Variants in MDGA2 observed in about 807,000 individuals in gnomAD.
The protein encoded by MDGA2 is MAM domain containing glycosylphosphatidylinositol anchor 2, also known as MAM domain-containing glycosylphosphatidylinositol anchor protein 2.
MDGA2 carries 40 observed loss-of-function variants against 117.8 expected under a neutral mutation model. That is an observed-to-expected ratio of 0.34 (90% CI 0.26 to 0.44). The LOEUF is 0.44. MDGA2 is among the 20% of genes least tolerant of loss of function. The pLI is 1.00. For synonymous variants in MDGA2, 452 were observed against 439.0 expected (o/e 1.03, Z -0.37); for missense variants, 1,123 against 1,250.6 (o/e 0.90, Z 1.54).
chr14:47,360,150 G>A (rs1012916565), intron 1 of MDGA2, among the ~76,000 whole-genome samples: 3 of 152,058 alleles, frequency 2.0e-5, no homozygotes, highest in South Asian at 2.1e-4. Context: ...TATGGAGTTC[G>A]AGACCAGTCT....
At chr14:46,863,909 T>C (rs1881613518) in intron 14 of MDGA2, among the ~76,000 whole-genome samples, 1 of 152,158 alleles carries the variant, frequency 6.6e-6, no homozygotes, top group East Asian at 1.9e-4. Context: ...TTATACATTG[T>C]CATAAGTCAT....
At chr14:46,876,391 G>C (rs1882229443) in intron 12 of MDGA2, among the ~76,000 whole-genome samples, 1 of 151,358 alleles carries the variant, frequency 6.6e-6, no homozygotes, top group African/African-American at 2.4e-5. Flanking sequence ...AAGAATATCT[G>C]ATAGATAATG....
At chr14:47,076,858 T>C (rs1452478149) in intron 6 of MDGA2, among the ~76,000 whole-genome samples, 2 of 152,122 alleles carry the variant, frequency 1.3e-5, no homozygotes, top group Admixed American at 6.5e-5. Flanking sequence ...ATTTCATCAT[T>C]ATTATTCATG....
chr14:47,478,886 T>C (rs984865599), intron 1 of MDGA2, among the ~76,000 whole-genome samples: 1 of 152,162 alleles, frequency 6.6e-6, no homozygotes, highest in Non-Finnish European at 1.5e-5. Context: ...CTTGAAGCCT[T>C]TGAAATGATA....
At chr14:47,665,321 A>G (rs1422940404) in intron 1 of MDGA2, among the ~76,000 whole-genome samples, 1 of 151,980 alleles carries the variant, frequency 6.6e-6, no homozygotes, top group Non-Finnish European at 1.5e-5. Flanking sequence ...ATTTGTTTCT[A>G]TCTCCTGGAT....
chr14:47,116,139 A>C (rs1469968704), intron 5 of MDGA2, among the ~76,000 whole-genome samples: 1 of 152,072 alleles, frequency 6.6e-6, no homozygotes, highest in Non-Finnish European at 1.5e-5. Flanking sequence ...CTAAAAAGAA[A>C]ATTTGAAAAA....
chr14:47,136,772 A>G (rs776039553), intron 4 of MDGA2, among the ~76,000 whole-genome samples: 1 of 152,168 alleles, frequency 6.6e-6, no homozygotes, highest in Non-Finnish European at 1.5e-5. Context: ...TGCTGACTAG[A>G]TAGGAATAGA....
At chr14:47,181,687 T>G (rs906092556) in intron 3 of MDGA2, among the ~76,000 whole-genome samples, 1 of 152,032 alleles carries the variant, frequency 6.6e-6, no homozygotes, top group African/African-American at 2.4e-5. Context: ...TTCTCAATTA[T>G]TTTTTTTCCT....
Position 47,675,208 on chromosome 14 carries a change from T to C in MDGA2, c.-412A>G, listed in dbSNP as rs2138328427. 6.6e-6 allele frequency among the ~76,000 whole-genome samples: 1 copy of C among 152,128 alleles called. No individual in the cohort carries two copies. Among genetic ancestry groups the C allele is most frequent in the African/African-American group, 2.4e-5 (1 of 41,528 alleles). ...GCGACAGCGGCCCGCCCGCCCGCAGTCCGAAGCCCCCAGCCCTGCTGTCTT... is the reference window on the plus strand; with the variant it reads ...GCGACAGCGGCCCGCCCGCCCGCAGCCCGAAGCCCCCAGCCCTGCTGTCTT... On this transcript the variant is annotated 5_prime_UTR_variant, in exon 1 of 17. Coordinates refer to ENST00000399232, the MANE Select transcript of MDGA2 (RefSeq NM_001113498.3).
At position 46,876,891 on chromosome 14, in the gene MDGA2, G is replaced by C. The variant is rs536695609; in HGVS notation, c.2437+598C>G. ...AATATTATTTTCCAGGGAGAGAGAAGTTTTCATATATGGGAATATTTTTCA... is the reference window on the plus strand; with the variant it reads ...AATATTATTTTCCAGGGAGAGAGAACTTTTCATATATGGGAATATTTTTCA... On this transcript the variant is annotated intron_variant, in intron 12 of 16. Coordinates refer to ENST00000399232, the MANE Select transcript of MDGA2 (RefSeq NM_001113498.3). Among the ~76,000 whole-genome samples the C allele has an allele frequency of 2.2e-4, 33 of 151,640 alleles. No individual in the cohort carries two copies. The East Asian group carries it at 4.4e-3, about 20-fold the overall frequency.
chr14:47,432,966 G>A (rs1363209841), intron 1 of MDGA2, among the ~76,000 whole-genome samples: 3 of 152,004 alleles, frequency 2.0e-5, no homozygotes, highest in African/African-American at 4.8e-5. Context: ...CCATGTGCCA[G>A]GAACTGTGTC....
chr14:47,059,984 T>C (rs1275793594), intron 7 of MDGA2, among the ~76,000 whole-genome samples: 3 of 152,118 alleles, frequency 2.0e-5, no homozygotes, highest in African/African-American at 7.2e-5. Context: ...ATTGAATGAA[T>C]ACATAAACAA....
At chr14:47,542,684 T>C (rs1347922827) in intron 1 of MDGA2, among the ~76,000 whole-genome samples, 2 of 152,228 alleles carry the variant, frequency 1.3e-5, no homozygotes, top group South Asian at 4.1e-4. Flanking sequence ...AAAATTGCTA[T>C]GTACCTACAA....
At chr14:47,150,923 C>CAA (rs34212740) in intron 3 of MDGA2, among the ~76,000 whole-genome samples, 39 of 82,386 alleles carry the variant, frequency 4.7e-4, no homozygotes, top group South Asian at 1.9e-3. Flanking sequence ...GACTCTGTCT[C>CAA]AAAAAAAAAA....
At position 47,106,740 on chromosome 14, in the gene MDGA2, C is replaced by T. The variant is rs573652594; in HGVS notation, c.926-9617G>A. On this transcript the variant is annotated intron_variant, in intron 5 of 16. Coordinates refer to ENST00000399232, the MANE Select transcript of MDGA2 (RefSeq NM_001113498.3). ...TAACTCTCACAGTGGAAGGTAAGCC[C>T]GTCCCCTTCTTAATCAATACAGAGG... 4.2e-3 allele frequency among the ~76,000 whole-genome samples: 633 copies of T among 150,958 alleles called. 9 individuals carry two copies. The highest frequency in any genetic ancestry group is 0.02 in the East Asian group (103 of 5,164).
chr14:47,434,137 C>A (rs1041192754), intron 1 of MDGA2, among the ~76,000 whole-genome samples: 2 of 151,972 alleles, frequency 1.3e-5, no homozygotes, highest in East Asian at 3.9e-4. Context: ...TTTAGGAAAT[C>A]ATCATTTAAG....
chr14:47,462,662 G>A (rs1441448465), intron 1 of MDGA2, among the ~76,000 whole-genome samples: 2 of 152,072 alleles, frequency 1.3e-5, no homozygotes, highest in African/African-American at 4.8e-5. Context: ...AAGACAGGAA[G>A]CTCCGTGTTC....
intron 1 of MDGA2, among the ~76,000 whole-genome samples, chr14:47,490,787 A>G (rs1254351983): frequency 6.6e-6 from 1 of 152,154 alleles, no homozygotes; most frequent in African/African-American, 2.4e-5. Context: ...ATCTAGTTAC[A>G]GGGAACTCTG....
At chr14:47,664,009 G>C (rs1897897138) in intron 1 of MDGA2, among the ~76,000 whole-genome samples, 1 of 152,034 alleles carries the variant, frequency 6.6e-6, no homozygotes, top group African/African-American at 2.4e-5. Context: ...ATAACCATAA[G>C]GTTTAGGATA....
Sources: allele counts gnomAD v4.1 joint callset (sites outside exome capture counted in the v4.1 genomes callset), GRCh38; gene constraint gnomAD v4.1.1; transcripts MANE v1.5; gene names NCBI Gene and HGNC (gene_info 2026-07-23, HGNC 2026-07-21).